Variants in THSD7B observed in about 807,000 individuals in gnomAD.
THSD7B encodes thrombospondin type 1 domain containing 7B, also known as thrombospondin type-1 domain-containing protein 7B.
Under a neutral mutation model 213.6 loss-of-function variants are expected in THSD7B, and 138 were observed. The observed-to-expected ratio is 0.65, with a 90% CI of 0.56 to 0.74. The LOEUF (loss-of-function observed/expected upper bound fraction) is 0.74. THSD7B is among the 30% of genes least tolerant of loss of function. THSD7B has a pLI of 0.00. For synonymous variants in THSD7B, 742 were observed against 687.0 expected, an observed-to-expected ratio of 1.08 and a Z score of -1.25; for missense variants, 1,931 against 1,991.5, an observed-to-expected ratio of 0.97 and a Z score of 0.58.
intron 5 of THSD7B, among the ~76,000 whole-genome samples, chr2:137,132,934 A>G (rs1558932909): frequency 6.6e-6 from 1 of 152,160 alleles, no homozygotes; most frequent in African/African-American, 2.4e-5. Context: ...AAAGACAGCC[A>G]CACTGTACTT....
At chr2:137,461,268 A>G (rs1307485247) in intron 15 of THSD7B, among the ~76,000 whole-genome samples, 6 of 152,172 alleles carry the variant, frequency 3.9e-5, no homozygotes, top group Admixed American at 6.6e-5. Context: ...ATATGTAGAT[A>G]TTCAATTTCA....
At chr2:137,192,350 A>G (rs112906307) in intron 7 of THSD7B, among the ~76,000 whole-genome samples, 1,862 of 152,352 alleles carry the variant, frequency 0.012, 12 homozygotes, top group Admixed American at 0.018. Flanking sequence ...GGGTATGAGC[A>G]AGGAAAAACT....
intron 12 of THSD7B, among the ~76,000 whole-genome samples, chr2:137,305,770 G>A (rs1683727294): frequency 6.6e-6 from 1 of 152,066 alleles, no homozygotes; most frequent in Admixed American, 6.5e-5. Flanking sequence ...CCTGGGAAAT[G>A]TGTCTTTAGG....
chr2:137,004,893 A>G (rs921212982), intron 2 of THSD7B, among the ~76,000 whole-genome samples: 2 of 152,196 alleles, frequency 1.3e-5, no homozygotes, highest in African/African-American at 2.4e-5. Context: ...TCTGTTCTAA[A>G]TAACTATGAA....
At chr2:137,057,717 T>G (rs1358555376) in intron 3 of THSD7B, among the ~76,000 whole-genome samples, 1 of 152,244 alleles carries the variant, frequency 6.6e-6, no homozygotes, top group Non-Finnish European at 1.5e-5. Context: ...ATCTGTGTTG[T>G]ACATTTTTTA....
At position 137,655,638 on chromosome 2, in the gene THSD7B, G is replaced by T; in HGVS notation, c.4083G>T (p.Gln1361His). The change falls in exon 22 of 28, where the codon CAG becomes CAT. Residue 1361 changes from glutamine to histidine, a missense_variant. By Grantham distance (24) the Gln-to-His change is conservative. Transcript: ENST00000409968. ...CCTTTCAGGACAGCATCCTGAAGCA[G>T]CTGTGTTCTGTGCCTTGCCCAGGTA... ...EMPFQDSILK[Q>H]LCSVPCPGDC... 6.2e-7 allele frequency: 1 copy of T among 1,613,230 alleles called. No homozygotes were observed. The highest frequency in any genetic ancestry group is 1.3e-5 in the African/African-American group (1 of 75,030).
intron 11 of THSD7B, among the ~76,000 whole-genome samples, chr2:137,273,710 T>G (rs191545324): frequency 2.0e-5 from 3 of 152,206 alleles, no homozygotes; most frequent in Non-Finnish European, 2.9e-5. Flanking sequence ...ATTGTTTTTA[T>G]CTGATGACCA....
intron 5 of THSD7B, among the ~76,000 whole-genome samples, chr2:137,139,160 T>G (rs1573847580): frequency 1.3e-5 from 2 of 152,322 alleles, no homozygotes; most frequent in East Asian, 3.9e-4. Flanking sequence ...AATTCTATAA[T>G]TATTTGATGA....
Position 137,558,342 on chromosome 2 carries a change from G to A in THSD7B, c.3139-4879G>A, listed in dbSNP as rs1449939237. 7.2e-5 allele frequency among the ~76,000 whole-genome samples: 11 copies of A among 152,276 alleles called. No individual in the cohort carries two copies. The East Asian group carries it at 9.6e-4, about 13-fold the overall frequency. ...AAATACTGGCAAACTGAATCCAGCAGCACATCAAAAAGCTTATCCACCATG... is the reference window on the plus strand; with the variant it reads ...AAATACTGGCAAACTGAATCCAGCAACACATCAAAAAGCTTATCCACCATG... On this transcript the variant is annotated intron_variant, in intron 15 of 27. Transcript: ENST00000409968.
intron 2 of THSD7B, among the ~76,000 whole-genome samples, chr2:136,891,427 T>C (rs1683857402): frequency 1.3e-5 from 2 of 152,226 alleles, no homozygotes; most frequent in Non-Finnish European, 2.9e-5. Flanking sequence ...AGAGTATGGG[T>C]CCCTCAAATA....
intron 2 of THSD7B, among the ~76,000 whole-genome samples, chr2:136,987,603 ATTC>A (rs1307919220): frequency 6.6e-6 from 1 of 152,184 alleles, no homozygotes; most frequent in Non-Finnish European, 1.5e-5. Context: ...ATGGAAGCTC[ATTC>A]TTCTCGCCAG....
chr2:137,332,495 C>T (rs549675350), intron 12 of THSD7B, among the ~76,000 whole-genome samples: 1 of 152,232 alleles, frequency 6.6e-6, no homozygotes, highest in East Asian at 1.9e-4. Context: ...TCTTAGATGA[C>T]AGTTTGGACT....
At chr2:137,028,720 A>C (rs2104849781) in intron 2 of THSD7B, among the ~76,000 whole-genome samples, 1 of 152,332 alleles carries the variant, frequency 6.6e-6, no homozygotes, top group South Asian at 2.1e-4. Flanking sequence ...TGGACGCTCA[A>C]GGTGGGCAAC....
At chr2:137,107,903 G>A (rs978943015) in intron 4 of THSD7B, among the ~76,000 whole-genome samples, 1 of 152,164 alleles carries the variant, frequency 6.6e-6, no homozygotes, top group Non-Finnish European at 1.5e-5. Flanking sequence ...AGCATAAAAT[G>A]TATAAAGCTT....
chr2:137,359,989 G>GT (rs1354939416), intron 12 of THSD7B, among the ~76,000 whole-genome samples: 5 of 152,168 alleles, frequency 3.3e-5, no homozygotes, highest in African/African-American at 1.2e-4. Context: ...AGGAATAAAA[G>GT]TCAGCCTAAA....
intron 15 of THSD7B, among the ~76,000 whole-genome samples, chr2:137,558,575 G>A (rs188509061): frequency 6.6e-6 from 1 of 152,236 alleles, no homozygotes; most frequent in Admixed American, 6.5e-5. Flanking sequence ...AAAATACTAA[G>A]AGCTGTTTAT....
At chr2:137,255,900 A>T (rs1558975140) in intron 10 of THSD7B, among the ~76,000 whole-genome samples, 1 of 151,950 alleles carries the variant, frequency 6.6e-6, no homozygotes, top group Non-Finnish European at 1.5e-5. Flanking sequence ...GTTGCCCAGG[A>T]TGGTCTCAAA....
At position 137,242,530 on chromosome 2, in the gene THSD7B, G is replaced by T; in HGVS notation, c.2224G>T (p.Ala742Ser). The T allele has an allele frequency of 2.5e-6, 4 of 1,613,906 alleles. No individual in the cohort carries two copies. The highest frequency in any genetic ancestry group is 2.5e-6 in the Non-Finnish European group (3 of 1,179,806). Reference sequence around the variant, plus strand: ...ATGCAAAAAAGACTGTATTGTGACTGCTTTCAGTGAGTGGACACCCTGCCC... The same window carrying T: ...ATGCAAAAAAGACTGTATTGTGACTTCTTTCAGTGAGTGGACACCCTGCCC... ...LPCKKDCIVT[A>S]FSEWTPCPRM... is the part of the protein sequence containing the mutation. The change falls in exon 10 of 28, where the codon GCT (alanine) becomes TCT (serine). Residue 742 changes from alanine (A) to serine (S), a missense_variant. Physicochemically the swap from Ala to Ser is moderately conservative, Grantham distance 99. Coordinates refer to ENST00000409968, the MANE Select transcript of THSD7B (RefSeq NM_001316349.2).
intron 1 of THSD7B, among the ~76,000 whole-genome samples, chr2:136,791,379 G>C (rs184582917): frequency 5.3e-5 from 8 of 151,668 alleles, no homozygotes; most frequent in African/African-American, 1.9e-4. Flanking sequence ...GATGTAATTC[G>C]CATACCAAAG....
Sources: allele counts gnomAD v4.1 joint callset (sites outside exome capture counted in the v4.1 genomes callset), GRCh38; gene constraint gnomAD v4.1.1; transcripts MANE v1.5; gene names NCBI Gene and HGNC (gene_info 2026-07-23, HGNC 2026-07-21).